MEIOB: variants seen among roughly 807,000 people sequenced by gnomAD.
MEIOB encodes the protein meiosis-specific with OB domain-containing protein.
MEIOB carries 50 observed loss-of-function variants against 53.1 expected under a neutral mutation model. That is an observed-to-expected ratio of 0.94 (90% CI 0.75 to 1.19). MEIOB has a LOEUF of 1.19. MEIOB is among the 50% of genes most tolerant of loss of function. The pLI is 0.00. For missense variants in MEIOB, 551 were observed against 550.8 expected, an observed-to-expected ratio of 1.00 and a Z score of 0.00; for synonymous variants, 192 against 182.5, an observed-to-expected ratio of 1.05 and a Z score of -0.42.
At chr16:1,865,718 T>C (rs1899576449) in intron 3 of MEIOB, 60 bp downstream of exon 3, 3 of 1,211,018 alleles carry the variant, frequency 2.5e-6, no homozygotes, top group Non-Finnish European at 1.2e-6. Flanking sequence ...CAATATACTT[T>C]GTTGTAGTCA....
intron 9 of MEIOB, among the ~76,000 whole-genome samples, chr16:1,849,893 TGTTA>T (rs1305435641): frequency 6.6e-6 from 1 of 152,192 alleles, no homozygotes; most frequent in East Asian, 1.9e-4. Flanking sequence ...GTAGCACATA[TGTTA>T]ATTAGCTTGA....
chr16:1,865,574 CAT>C (rs144410977), intron 3 of MEIOB, among the ~76,000 whole-genome samples: 24 of 122,572 alleles, frequency 2.0e-4, no homozygotes, highest in East Asian at 4.6e-4. Flanking sequence ...TGTATGTATA[CAT>C]ATATATAGAG....
chr16:1,841,905 C>A lies in MEIOB; in HGVS notation c.949G>T (p.Ala317Ser), dbSNP rs1898921313. The A allele has an allele frequency of 6.2e-7, 1 of 1,608,474 alleles. No individual in the cohort carries two copies. Among genetic ancestry groups the A allele is most frequent in the Non-Finnish European group, 8.5e-7 (1 of 1,177,066 alleles). ...KGKALKNEGK[A>S]DPSYGILYAY... ...TAAAGGATGCCATAGGAAGGATCAG[C>A]TTTTCCTTCATTCTTCAAAGCTTTT... Residue 317 changes from alanine to serine, a missense_variant, in exon 11 of 14, where the codon GCT (alanine) becomes TCT (serine). By Grantham distance (99) the Ala-to-Ser change is moderately conservative. Coordinates refer to ENST00000325962, the MANE Select transcript of MEIOB (RefSeq NM_001163560.3).
At chr16:1,844,836 C>A (rs750799555) in intron 10 of MEIOB, 26 bp downstream of exon 10, 1 of 1,326,596 alleles carries the variant, frequency 7.5e-7, no homozygotes, top group Non-Finnish European at 1.1e-6. Context: ...TTAAAAAAAT[C>A]CAAATATATT....
intron 13 of MEIOB, among the ~76,000 whole-genome samples, chr16:1,835,832 C>T (rs1183490901): frequency 6.6e-6 from 1 of 151,722 alleles, no homozygotes; most frequent in Non-Finnish European, 1.5e-5. Flanking sequence ...GCATTGCCTG[C>T]CTATGTATCT....
intron 1 of MEIOB, among the ~76,000 whole-genome samples, chr16:1,870,757 T>C (rs1173069076): frequency 2.0e-5 from 3 of 152,214 alleles, no homozygotes; most frequent in Admixed American, 6.5e-5. Flanking sequence ...TTTTCATTCG[T>C]TCTTTGGCCT....
chr16:1,853,785 C>T (rs1284265369), intron 7 of MEIOB, among the ~76,000 whole-genome samples: 1 of 152,126 alleles, frequency 6.6e-6, no homozygotes, highest in Admixed American at 6.6e-5. Flanking sequence ...AGGATACTTC[C>T]CAGGAAGCAC....
At chr16:1,871,122 C>T (rs1002016233) in intron 1 of MEIOB, among the ~76,000 whole-genome samples, 14 of 152,216 alleles carry the variant, frequency 9.2e-5, no homozygotes, top group African/African-American at 3.4e-4. Context: ...TACCTGGTCA[C>T]TTTAACAGAT....
At position 1,854,082 on chromosome 16, in the gene MEIOB, A is replaced by C. The variant is rs1899238387; in HGVS notation, c.629+18T>G. 14 of 1,442,570 alleles carry C rather than the reference A, an allele frequency of 9.7e-6. No individual in the cohort carries two copies. Among genetic ancestry groups the C allele is most frequent in the African/African-American group, 1.4e-5 (1 of 70,942 alleles). The allele number at this position is 1,442,570 out of a possible 1,614,324, so 89.4% of individuals were successfully genotyped here. ...AACTACAGGGATTTCACAGTTTGGAACAGACATCGGTGTTTACCATGTCAT... is the reference window on the plus strand; with the variant it reads ...AACTACAGGGATTTCACAGTTTGGACCAGACATCGGTGTTTACCATGTCAT... On this transcript the variant is annotated intron_variant, in intron 7 of 13. Coordinates refer to ENST00000325962, the MANE Select transcript of MEIOB (RefSeq NM_001163560.3).
intron 4 of MEIOB, among the ~76,000 whole-genome samples, 170 bp from the exon 5 acceptor site, chr16:1,860,645 G>A (rs1443954182): frequency 5.3e-5 from 8 of 152,092 alleles, no homozygotes. Flanking sequence ...TTGATACTGA[G>A]ATGTCAAAAT....
At chr16:1,842,022 T>G in intron 10 of MEIOB, 49 bp from the exon 11 acceptor site, 1 of 1,282,500 alleles carries the variant, frequency 7.8e-7, no homozygotes, top group Non-Finnish European at 1.0e-6. Flanking sequence ...CTAAAAAATA[T>G]AAAAGGTTAC....
intron 3 of MEIOB, among the ~76,000 whole-genome samples, chr16:1,865,477 A>ATATATATGCT (rs1567281912): frequency 1.9e-4 from 1 of 5,248 alleles, no homozygotes; most frequent in Non-Finnish European, 5.4e-4. Context: ...ACATATATAC[A>ATATATATGCT]CACACGTGTA....
At chr16:1,834,860 G>A (rs10468421) in intron 13 of MEIOB, among the ~76,000 whole-genome samples, 27,025 of 151,996 alleles carry the variant, frequency 0.18, 2,577 homozygotes, top group South Asian at 0.27. Flanking sequence ...CCTTGAACCC[G>A]GGAGGCAGAG....
At chr16:1,845,814 G>T (rs1196488237) in intron 9 of MEIOB, among the ~76,000 whole-genome samples, 2 of 152,148 alleles carry the variant, frequency 1.3e-5, no homozygotes, top group Non-Finnish European at 2.9e-5. Context: ...TTTGGAAAGA[G>T]CTCCCCCATG....
Position 1,868,159 on chromosome 16 carries a change from G to A in MEIOB, c.17C>T (p.Ala6Val), listed in dbSNP as rs927900984. The change falls in exon 2 of 14, where the codon GCA becomes GTA. Residue 6 changes from alanine (A) to valine (V), a missense_variant. Ala to Val is a moderately conservative substitution (Grantham distance 64). Transcript: ENST00000325962. ...TGAAAGGGTAGTGAAAATCCTCGCT[G>A]CAAAGGAGTTTGCCATTTTTTTAAT... is the stretch of plus-strand genomic sequence containing the variant. MANSF[A>V]ARIFTTLSDL... The A allele has an allele frequency of 1.3e-6, 2 of 1,529,140 alleles. No individual in the cohort carries two copies. Among genetic ancestry groups the A allele is most frequent in the Admixed American group, 2.0e-5 (1 of 50,808 alleles). The allele number at this position is 1,529,140 out of a possible 1,614,324, so 94.7% of individuals were successfully genotyped here.
chr16:1,836,757 C>G (rs1319842536), intron 13 of MEIOB, among the ~76,000 whole-genome samples: 2 of 147,242 alleles, frequency 1.4e-5, no homozygotes, highest in Non-Finnish European at 3.1e-5. Context: ...AAACTAATTT[C>G]ATAATAACAC....
At chr16:1,847,378 C>A (rs1471335850) in intron 9 of MEIOB, among the ~76,000 whole-genome samples, 1 of 151,950 alleles carries the variant, frequency 6.6e-6, no homozygotes, top group African/African-American at 2.4e-5. Context: ...AGGAGAATTG[C>A]TTGAACCCTG....
intron 13 of MEIOB, among the ~76,000 whole-genome samples, chr16:1,835,179 G>C (rs550033373): frequency 6.6e-6 from 1 of 152,012 alleles, no homozygotes; most frequent in Non-Finnish European, 1.5e-5. Context: ...ACTTGAGCCT[G>C]GGAAGGTTGA....
chr16:1,854,516 G>A (rs888706415), intron 6 of MEIOB, among the ~76,000 whole-genome samples: 3 of 152,182 alleles, frequency 2.0e-5, no homozygotes, highest in Admixed American at 6.5e-5. Flanking sequence ...TGGACTCCTC[G>A]AGGGCAGGGA....
Sources: allele counts gnomAD v4.1 joint callset (sites outside exome capture counted in the v4.1 genomes callset), GRCh38; gene constraint gnomAD v4.1.1; transcripts MANE v1.5; gene names NCBI Gene and HGNC (gene_info 2026-07-23, HGNC 2026-07-21).